Variants in PLAA observed in about 807,000 individuals in gnomAD.
PLAA encodes the protein phospholipase A2 activating protein.
PLAA carries 48 observed loss-of-function variants against 84.1 expected under a neutral mutation model. The observed-to-expected ratio is 0.57, with a 90% confidence interval of 0.45 to 0.73. The LOEUF is 0.73. Among genes scored for constraint, PLAA ranks in the 30% least tolerant of loss-of-function variants. The pLI is 0.00. For missense variants in PLAA, 903 were observed against 954.7 expected (o/e 0.95, Z 0.71); for synonymous variants, 392 against 336.6 (o/e 1.16, Z -1.80).
intron 2 of PLAA, 73 bp downstream of exon 2, chr9:26,934,940 A>C (rs1399746065): frequency 9.0e-7 from 1 of 1,114,028 alleles, no homozygotes; most frequent in Non-Finnish European, 1.3e-6. Context: ...ACTTGAGAAA[A>C]TGGATATGTA....
chr9:26,913,046 G>T (rs1331056880), intron 11 of PLAA, among the ~76,000 whole-genome samples: 2 of 152,138 alleles, frequency 1.3e-5, no homozygotes, highest in African/African-American at 4.8e-5. Context: ...AACAAAACAA[G>T]ATCCCATCTC....
intron 10 of PLAA, chr9:26,916,085 T>C (rs1456700387): frequency 1.0e-6 from 1 of 985,448 alleles, no homozygotes; most frequent in African/African-American, 1.7e-5. Context: ...GGTACAACCA[T>C]TTCCATCTGG....
At chr9:26,941,290 G>A (rs1015098723) in intron 1 of PLAA, among the ~76,000 whole-genome samples, 1 of 151,938 alleles carries the variant, frequency 6.6e-6, no homozygotes, top group Non-Finnish European at 1.5e-5. Flanking sequence ...CTTTGAATGG[G>A]GGGACATAAG....
At chr9:26,925,700 T>G (rs1332497989) in intron 6 of PLAA, 125 bp downstream of exon 6, 1 of 717,444 alleles carries the variant, frequency 1.4e-6, no homozygotes, top group Non-Finnish European at 2.4e-6. Flanking sequence ...TTTTGTTTAG[T>G]AATTGAAGTG....
intron 8 of PLAA, 56 bp downstream of exon 8, chr9:26,920,171 C>A (rs913837681): frequency 2.2e-5 from 33 of 1,472,112 alleles, no homozygotes; most frequent in Non-Finnish European, 2.8e-5. Context: ...CAAAGGAAAC[C>A]TTTAATTTGC....
At chr9:26,943,506 G>A (rs1825601808) in intron 1 of PLAA, among the ~76,000 whole-genome samples, 2 of 152,136 alleles carry the variant, frequency 1.3e-5, no homozygotes, top group South Asian at 4.1e-4. Flanking sequence ...AGGCAATTCA[G>A]TAATGAACAA....
chr9:26,926,034 A>G (rs1417494648), intron 5 of PLAA, 74 bp from the exon 6 acceptor site: 1 of 1,244,150 alleles, frequency 8.0e-7, no homozygotes, highest in African/African-American at 1.5e-5. Context: ...CTTTCTAGAT[A>G]CACTGACTTT....
rs772689285 is a variant in PLAA at position 26,910,446 on chromosome 9, A to G, written c.1556-7T>C. 30 of 1,589,166 alleles carry G rather than the reference A, an allele frequency of 1.9e-5. No homozygotes were observed. Among genetic ancestry groups the G allele is most frequent in the Non-Finnish European group, 2.6e-5 (30 of 1,158,144 alleles). On this transcript the variant is annotated splice_polypyrimidine_tract_variant and splice_region_variant and intron_variant, in intron 11 of 13. Transcript: ENST00000397292. ...GATCGGTAGGCACTATTCCCTATTT[A>G]AAGAATAGAAGATGATGATAATCAC...
chr9:26,916,436 C>G (rs1587157299), intron 10 of PLAA: 3 of 986,930 alleles, frequency 3.0e-6, no homozygotes, highest in Middle Eastern at 1.0e-3. Context: ...GCATGCATAC[C>G]TTGGTAAATA....
intron 1 of PLAA, among the ~76,000 whole-genome samples, chr9:26,939,669 C>T (rs969773821): frequency 4.6e-5 from 7 of 151,714 alleles, no homozygotes; most frequent in Non-Finnish European, 8.8e-5. Flanking sequence ...ACTTTAGATC[C>T]AAAGACACAA....
rs375046465 is a variant in PLAA at position 26,913,960 on chromosome 9, A to G, written c.1487-13T>C. ...TAACGACCAGCACCTACAATACAAT[A>G]ATACTCCTAGTAAGCAAAGGTGACT... is the stretch of plus-strand genomic sequence containing the variant. On this transcript the variant is annotated splice_polypyrimidine_tract_variant and intron_variant, in intron 10 of 13. Coordinates refer to ENST00000397292, the MANE Select transcript of PLAA (RefSeq NM_001031689.3). 1 of 1,586,048 alleles carries G rather than the reference A, an allele frequency of 6.3e-7. No homozygotes were observed. The highest frequency in any genetic ancestry group is 1.3e-5 in the African/African-American group (1 of 74,322).
chr9:26,945,998 C>G (rs556009879), intron 1 of PLAA, among the ~76,000 whole-genome samples: 1 of 152,298 alleles, frequency 6.6e-6, no homozygotes, highest in East Asian at 1.9e-4. Flanking sequence ...AAGAAAGCTC[C>G]AGAAACACTG....
Position 26,905,581 on chromosome 9 carries a change from T to C in PLAA, c.2318A>G (p.Lys773Arg), listed in dbSNP as rs1463385726. 6.2e-7 allele frequency: 1 copy of C among 1,614,114 alleles called. No individual in the cohort carries two copies. Among genetic ancestry groups the C allele is most frequent in the East Asian group, 2.2e-5 (1 of 44,872 alleles). The change falls in exon 14 of 14, where the codon AAA becomes AGA. Residue 773 changes from lysine (K) to arginine (R), a missense_variant. Physicochemically the swap from Lys to Arg is conservative, Grantham distance 26 (BLOSUM62 2). Coordinates refer to ENST00000397292, the MANE Select transcript of PLAA (RefSeq NM_001031689.3). ...TGGTTCTGATACTGAGGAATACTTT[T>C]TTATTTGAGAATCAACACCTAAAGA... ...AKSLGVDSQI[K>R]KYSSVSEPAK...
At chr9:26,919,100 G>A (rs915497652) in intron 9 of PLAA, 2 of 411,266 alleles carry the variant, frequency 4.9e-6, no homozygotes, top group Non-Finnish European at 4.3e-6. Context: ...TAGTATGATT[G>A]TATTTTTGAA....
At chr9:26,910,599 T>C (rs1824369767) in intron 11 of PLAA, among the ~76,000 whole-genome samples, 160 bp from the exon 12 acceptor site, 1 of 151,994 alleles carries the variant, frequency 6.6e-6, no homozygotes, top group Non-Finnish European at 1.5e-5. Context: ...AAATATTTTG[T>C]ATAATTTATA....
intron 1 of PLAA, 38 bp downstream of exon 1, chr9:26,946,859 T>C (rs1825743265): frequency 6.5e-7 from 1 of 1,539,528 alleles, no homozygotes; most frequent in East Asian, 2.4e-5. Context: ...CCGGGAAGCG[T>C]GCAACACAGC....
At chr9:26,923,978 G>A (rs1032261820) in intron 6 of PLAA, among the ~76,000 whole-genome samples, 2 of 151,930 alleles carry the variant, frequency 1.3e-5, no homozygotes, top group African/African-American at 4.8e-5. Context: ...TAACTTATTC[G>A]TCCACAAACA....
rs1294853619 is a variant in PLAA, at chr9:26,935,010, C to T, written c.343+3G>A. The T allele has an allele frequency of 7.6e-6, 12 of 1,574,218 alleles. No homozygotes were observed. The highest frequency in any genetic ancestry group is 9.5e-6 in the Non-Finnish European group (11 of 1,159,144). ...AAAAACACCAAAGCATTATTATACT[C>T]ACCAGTATTTTTGTGGCCTTTTAGA... On this transcript the variant is annotated splice_donor_region_variant and intron_variant, in intron 2 of 13. Transcript: ENST00000397292.
At chr9:26,933,302 G>T (rs1383820287) in intron 2 of PLAA, among the ~76,000 whole-genome samples, 3 of 149,910 alleles carry the variant, frequency 2.0e-5, no homozygotes, top group Admixed American at 2.0e-4. Context: ...GCGCATGGTG[G>T]TGGGCACCTG....
Sources: allele counts gnomAD v4.1 joint callset (sites outside exome capture counted in the v4.1 genomes callset), GRCh38; gene constraint gnomAD v4.1.1; transcripts MANE v1.5; gene names NCBI Gene and HGNC (gene_info 2026-07-23, HGNC 2026-07-21).